PTPRG: variants seen among roughly 807,000 people sequenced by gnomAD.
PTPRG encodes protein tyrosine phosphatase receptor type G, also known as receptor-type tyrosine-protein phosphatase gamma.
A neutral mutation model predicts 165.3 loss-of-function variants in PTPRG; 102 were observed. The ratio of observed to expected loss-of-function variants is 0.62; its 90% CI spans 0.53 to 0.73. The LOEUF is 0.73. PTPRG is among the 30% of genes least tolerant of loss of function. PTPRG has a pLI of 0.00. For synonymous variants in PTPRG, 675 were observed against 669.5 expected (o/e 1.01, Z -0.13); for missense variants, 1,866 against 1,861.4 (o/e 1.00, Z -0.05).
At chr3:61,742,908 G>T (rs1207377973) in intron 1 of PTPRG, 4 of 1,455,854 alleles carry the variant, frequency 2.7e-6, no homozygotes, top group South Asian at 1.1e-5. Context: ...GGTCCCCCAG[G>T]ACACACACAC....
intron 2 of PTPRG, among the ~76,000 whole-genome samples, chr3:61,895,555 A>G (rs888981937): frequency 6.6e-6 from 1 of 152,224 alleles, no homozygotes; most frequent in African/African-American, 2.4e-5. Context: ...AGGAGCAATT[A>G]TCCACATGTC....
Position 62,277,551 on chromosome 3 carries a change from G to T in PTPRG, c.3637G>T (p.Gly1213Cys). The stretch of plus-strand genomic sequence containing the variant: ...ATTTTTTTTGTCTTCCCAACTGAAG[G>T]GCTATTATAGGAGCAATGAATTTAT... Reference protein sequence around the residue: ...TDYINASYIMGYYRSNEFIIT... With the variant: ...TDYINASYIMCYYRSNEFIIT... The change falls in exon 26 of 30, where the codon GGC becomes TGC. Residue 1213 changes from glycine to cysteine, a missense_variant and splice_region_variant. This residue lies in a region of PTPRG where 1,452 missense variants were observed against 1,463.0 expected (regional missense o/e 0.99). Transcript: ENST00000474889. The T allele has an allele frequency of 1.2e-6, 2 of 1,609,908 alleles. No individual in the cohort carries two copies. The highest frequency in any genetic ancestry group is 1.7e-6 in the Non-Finnish European group (2 of 1,178,926).
intron 1 of PTPRG, among the ~76,000 whole-genome samples, chr3:61,635,075 T>A (rs4688644): frequency 0.61 from 92,386 of 152,010 alleles, 29,158 homozygotes; most frequent in African/African-American, 0.79. Context: ...GAGACCTTGT[T>A]AAATTCACAT....
At chr3:61,689,943 G>A (rs770365993) in intron 1 of PTPRG, among the ~76,000 whole-genome samples, 16 of 152,174 alleles carry the variant, frequency 1.1e-4, no homozygotes, top group Non-Finnish European at 2.2e-4. Context: ...GAAAGTTTTA[G>A]TGGGGTTAGA....
intron 4 of PTPRG, among the ~76,000 whole-genome samples, chr3:62,036,828 C>T (rs905217189): frequency 2.0e-5 from 3 of 152,180 alleles, no homozygotes; most frequent in African/African-American, 7.2e-5. Flanking sequence ...ATTAAATGGC[C>T]ATGAGCAAAT....
chr3:61,666,758 C>T (rs540002165), intron 1 of PTPRG, among the ~76,000 whole-genome samples: 1 of 152,320 alleles, frequency 6.6e-6, no homozygotes, highest in African/African-American at 2.4e-5. Context: ...TGTTTAGTAA[C>T]ATCTATCCTA....
At chr3:61,628,889 C>T (rs373374914) in intron 1 of PTPRG, among the ~76,000 whole-genome samples, 8 of 152,310 alleles carry the variant, frequency 5.3e-5, no homozygotes, top group African/African-American at 1.9e-4. Context: ...TCTCTCGACT[C>T]ATAAGCATCT....
At chr3:61,953,395 C>T (rs1257869130) in intron 2 of PTPRG, among the ~76,000 whole-genome samples, 2 of 152,146 alleles carry the variant, frequency 1.3e-5, no homozygotes, top group East Asian at 1.9e-4. Context: ...TGGTCAATTT[C>T]GCCATTATTG....
At chr3:61,829,695 T>G (rs1255891378) in intron 2 of PTPRG, among the ~76,000 whole-genome samples, 2 of 152,156 alleles carry the variant, frequency 1.3e-5, no homozygotes, top group Admixed American at 1.3e-4. Flanking sequence ...CTTGCAGGAT[T>G]TTTTGTTGTT....
intron 1 of PTPRG, among the ~76,000 whole-genome samples, chr3:61,588,476 A>G (rs891066010): frequency 6.8e-6 from 1 of 147,406 alleles, no homozygotes; most frequent in Non-Finnish European, 1.5e-5. Flanking sequence ...AGTTCAGGCA[A>G]TTCTCATGCC....
intron 2 of PTPRG, among the ~76,000 whole-genome samples, chr3:61,787,542 TA>T (rs2034744026): frequency 6.6e-6 from 1 of 152,224 alleles, no homozygotes; most frequent in Admixed American, 6.5e-5. Context: ...AAAGAGCCCC[TA>T]AGTAATGCGG....
intron 1 of PTPRG, among the ~76,000 whole-genome samples, chr3:61,581,537 G>A (rs978990438): frequency 5.9e-5 from 9 of 152,022 alleles, no homozygotes; most frequent in African/African-American, 9.7e-5. Context: ...GTTTTAGAGC[G>A]TGTGGCCACG....
At chr3:61,902,865 T>C (rs1379951876) in intron 2 of PTPRG, among the ~76,000 whole-genome samples, 1 of 152,194 alleles carries the variant, frequency 6.6e-6, no homozygotes, top group East Asian at 1.9e-4. Flanking sequence ...CTGTTGCTTA[T>C]TTTTGATATC....
intron 5 of PTPRG, among the ~76,000 whole-genome samples, chr3:62,113,293 A>G (rs1272912402): frequency 6.6e-6 from 1 of 152,180 alleles, no homozygotes; most frequent in African/African-American, 2.4e-5. Context: ...GTTTGACAGC[A>G]TCTGACACTG....
chr3:62,288,969 CAT>C (rs1471174397), intron 28 of PTPRG, among the ~76,000 whole-genome samples: 1 of 152,046 alleles, frequency 6.6e-6, no homozygotes, highest in East Asian at 1.9e-4. Context: ...AGAAAATAAG[CAT>C]TTAAGACTTT....
In PTPRG at chr3:61,822,164, A is replaced by T. The variant is rs140285896; in HGVS notation, c.190+73182A>T. Among the ~76,000 whole-genome samples the T allele has an allele frequency of 2.3e-3, 350 of 152,346 alleles. 2 individuals are homozygous for T. The highest frequency in any genetic ancestry group is 0.02 in the Admixed American group (300 of 15,308). ...AGTTTGTTTTTGGAAATGCTCCTCT[A>T]TGGCAACATTCTTGCCTATTCAATA... On this transcript the variant is annotated intron_variant, in intron 2 of 29. Transcript: ENST00000474889.
At chr3:61,889,211 A>G (rs1479055622) in intron 2 of PTPRG, among the ~76,000 whole-genome samples, 3 of 152,084 alleles carry the variant, frequency 2.0e-5, no homozygotes, top group African/African-American at 7.2e-5. Context: ...TAACTCTGTG[A>G]TTTCTATATA....
chr3:61,643,274 AGAAAG>A (rs1303444510), intron 1 of PTPRG, among the ~76,000 whole-genome samples: 1 of 150,460 alleles, frequency 6.6e-6, no homozygotes, highest in Non-Finnish European at 1.5e-5. Flanking sequence ...AGAGAGAGAG[AGAAAG>A]AGAGAGAGAG....
At chr3:61,714,604 C>A (rs895766706) in intron 1 of PTPRG, among the ~76,000 whole-genome samples, 2 of 152,154 alleles carry the variant, frequency 1.3e-5, no homozygotes, top group African/African-American at 4.8e-5. Flanking sequence ...AGATTCAATC[C>A]AGGCTCTTTC....
Sources: allele counts gnomAD v4.1 joint callset (sites outside exome capture counted in the v4.1 genomes callset), GRCh38; gene constraint gnomAD v4.1.1; regional missense constraint gnomAD v4.1.1; transcripts MANE v1.5; gene names NCBI Gene and HGNC (gene_info 2026-07-23, HGNC 2026-07-21).